Variants in GAS7 observed in about 807,000 individuals in gnomAD.
The protein encoded by GAS7 is growth arrest-specific protein 7.
GAS7 carries 28 observed loss-of-function variants against 71.1 expected under a neutral mutation model. That is an observed-to-expected ratio of 0.39 (90% confidence interval 0.29 to 0.54). The LOEUF (loss-of-function observed/expected upper bound fraction) is 0.54, where lower values mean the gene tolerates loss of function less well. GAS7 is among the 20% of genes least tolerant of loss of function. The pLI, the probability that GAS7 is intolerant of heterozygous loss-of-function variation, is 0.62. For missense variants in GAS7, 436 were observed against 627.8 expected (o/e 0.69, Z 3.27); for synonymous variants, 258 against 245.8 (o/e 1.05, Z -0.46).
rs148237567 is a variant in GAS7 at position 10,186,721 on chromosome 17, A to G, written c.183+11487T>C. 9.2e-5 allele frequency among the ~76,000 whole-genome samples: 14 copies of G among 152,258 alleles called. No individual in the cohort carries two copies. The East Asian group carries it at 2.7e-3, about 29-fold the overall frequency. On this transcript the variant is annotated intron_variant, in intron 1 of 13. Coordinates refer to ENST00000432992, the MANE Select transcript of GAS7 (RefSeq NM_201433.2). Reference sequence around the variant, plus strand: ...GTGCCCGGCCCAAAGCCTTCTTTATAATATGAAAATATTAGACTGGGTTGG... The same window carrying G: ...GTGCCCGGCCCAAAGCCTTCTTTATGATATGAAAATATTAGACTGGGTTGG...
rs993913997 is a variant in GAS7, at chr17:10,172,105, C to T, written c.183+26103G>A. On this transcript the variant is annotated intron_variant, in intron 1 of 13. Coordinates refer to ENST00000432992, the MANE Select transcript of GAS7 (RefSeq NM_201433.2). ...CTGCTGCTTTCCCCTAAGTGTCCCT[C>T]GGGTCTGCTTGTTTGGATTCTAATA... Among the ~76,000 whole-genome samples, 6 of 152,308 alleles carry T rather than the reference C, an allele frequency of 3.9e-5. No individual in the cohort carries two copies. The South Asian group carries it at 6.2e-4, about 16-fold the overall frequency.
intron 1 of GAS7, among the ~76,000 whole-genome samples, chr17:10,175,013 T>C (rs1408605403): frequency 6.6e-6 from 1 of 152,024 alleles, no homozygotes; most frequent in East Asian, 1.9e-4. Context: ...GCCTGGCTAA[T>C]TTTTTATTTT....
intron 2 of GAS7, among the ~76,000 whole-genome samples, chr17:10,006,149 G>A (rs1226563937): frequency 1.3e-5 from 2 of 151,924 alleles, no homozygotes; most frequent in Non-Finnish European, 2.9e-5. Flanking sequence ...GATCTCCATA[G>A]AAGAGAAAAA....
At chr17:10,191,555 C>CAAA (rs59145222) in intron 1 of GAS7, among the ~76,000 whole-genome samples, 5,995 of 87,990 alleles carry the variant, frequency 0.068, 356 homozygotes, top group East Asian at 0.2. Flanking sequence ...GACCCTGTGT[C>CAAA]AAAAAAAAAA....
chr17:9,931,779 T>C (rs1415944475), intron 9 of GAS7, among the ~76,000 whole-genome samples: 1 of 152,180 alleles, frequency 6.6e-6, no homozygotes, highest in Non-Finnish European at 1.5e-5. Context: ...CAACTCAATC[T>C]TGGGGCACAC....
chr17:10,081,434 G>A (rs1231681135), intron 1 of GAS7, among the ~76,000 whole-genome samples: 1 of 152,220 alleles, frequency 6.6e-6, no homozygotes, highest in African/African-American at 2.4e-5. Context: ...GATTACAGGT[G>A]TGAGCCACTG....
chr17:10,160,473 G>C (rs1446958997), intron 1 of GAS7, among the ~76,000 whole-genome samples: 1 of 152,088 alleles, frequency 6.6e-6, no homozygotes, highest in African/African-American at 2.4e-5. Context: ...TGAGAGCTGA[G>C]GCTGAGAAAG....
intron 1 of GAS7, among the ~76,000 whole-genome samples, chr17:10,148,909 C>CTAA (rs2074142752): frequency 2.6e-5 from 3 of 117,294 alleles, no homozygotes; most frequent in East Asian, 2.5e-4. Flanking sequence ...GACTCCGCCT[C>CTAA]AAAAAAAAAA....
intron 1 of GAS7, among the ~76,000 whole-genome samples, chr17:10,050,775 T>C (rs1220701692): frequency 1.3e-5 from 2 of 152,234 alleles, no homozygotes; most frequent in African/African-American, 2.4e-5. Context: ...CTTTCCCTTT[T>C]GGCAAATCCT....
intron 2 of GAS7, among the ~76,000 whole-genome samples, chr17:10,019,534 A>C (rs1224378766): frequency 1.3e-5 from 2 of 152,146 alleles, no homozygotes; most frequent in African/African-American, 4.8e-5. Context: ...TCAGGGTCCA[A>C]GGAAGACTCA....
chr17:9,930,376 T>G (rs755923343), intron 9 of GAS7, among the ~76,000 whole-genome samples: 3 of 152,174 alleles, frequency 2.0e-5, no homozygotes, highest in Non-Finnish European at 4.4e-5. Flanking sequence ...CCAGGGGAGC[T>G]AAGTGACTTG....
intron 1 of GAS7, among the ~76,000 whole-genome samples, chr17:10,104,831 C>T (rs778630623): frequency 6.6e-5 from 10 of 151,946 alleles, no homozygotes; most frequent in South Asian, 2.1e-4. Flanking sequence ...TACATTATTA[C>T]GATGATCTTC....
intron 11 of GAS7, among the ~76,000 whole-genome samples, chr17:9,925,020 AT>A (rs1310621323): frequency 6.6e-6 from 1 of 152,240 alleles, no homozygotes; most frequent in African/African-American, 2.4e-5. Context: ...GCAGGAGCCC[AT>A]CCCCATAGGT....
At chr17:10,120,605 G>A (rs1372111228) in intron 1 of GAS7, among the ~76,000 whole-genome samples, 2 of 152,168 alleles carry the variant, frequency 1.3e-5, no homozygotes, top group Admixed American at 6.5e-5. Flanking sequence ...CCAGCTACTC[G>A]GGGTGCTGAG....
chr17:10,048,789 G>A (rs976422867), intron 1 of GAS7, among the ~76,000 whole-genome samples: 1 of 152,176 alleles, frequency 6.6e-6, no homozygotes, highest in African/African-American at 2.4e-5. Flanking sequence ...GAGAAAATTA[G>A]GAAGACAACA....
At position 10,156,998 on chromosome 17, in the gene GAS7, C is replaced by T. The variant is rs2074210426; in HGVS notation, c.183+41210G>A. 3.9e-5 allele frequency among the ~76,000 whole-genome samples: 6 copies of T among 152,160 alleles called. No homozygotes were observed. In the South Asian group the frequency reaches 1.2e-3, roughly 31 times the overall value. On this transcript the variant is annotated intron_variant, in intron 1 of 13. Transcript: ENST00000432992. ...CAAAGTATTTTGGTGACCACTTCCT[C>T]CTAACCAGGCCTTGGTCGGTGGCTC...
intron 1 of GAS7, among the ~76,000 whole-genome samples, chr17:10,171,889 A>AAC (rs1181677908): frequency 2.0e-5 from 3 of 152,224 alleles, no homozygotes; most frequent in Admixed American, 6.5e-5. Flanking sequence ...GTGACGTTTC[A>AAC]ACACACACAG....
intron 4 of GAS7, among the ~76,000 whole-genome samples, chr17:9,963,040 A>G (rs1296084213): frequency 2.2e-5 from 1 of 45,238 alleles, no homozygotes; most frequent in South Asian, 7.2e-4. Flanking sequence ...CAAGGTGATG[A>G]AAAAAAAAAA....
intron 1 of GAS7, among the ~76,000 whole-genome samples, chr17:10,178,103 C>G (rs1204185810): frequency 6.6e-6 from 1 of 152,176 alleles, no homozygotes; most frequent in African/African-American, 2.4e-5. Context: ...GCCTGAGTCA[C>G]AGTCCCCTGG....
Sources: allele counts gnomAD v4.1 joint callset (sites outside exome capture counted in the v4.1 genomes callset), GRCh38; gene constraint gnomAD v4.1.1; transcripts MANE v1.5; gene names NCBI Gene and HGNC (gene_info 2026-07-23, HGNC 2026-07-21).